Variants in VSNL1 observed in about 807,000 individuals in gnomAD.
The protein encoded by VSNL1 is visinin like 1.
Under a neutral mutation model 20.4 loss-of-function variants are expected in VSNL1, and 6 were observed. That is an observed-to-expected ratio of 0.29 (90% CI 0.16 to 0.58). The LOEUF is 0.58. Ranked by LOEUF, VSNL1 falls within the 20% of genes least tolerant of loss-of-function variation. VSNL1 has a pLI of 0.90. For missense variants in VSNL1, 100 were observed against 234.5 expected (o/e 0.43, Z 3.75); for synonymous variants, 93 against 86.4 (o/e 1.08, Z -0.42).
intron 2 of VSNL1, among the ~76,000 whole-genome samples, chr2:17,610,100 C>A (rs1427649227): frequency 6.6e-6 from 1 of 152,222 alleles, no homozygotes; most frequent in East Asian, 1.9e-4. Flanking sequence ...GGGTAAGGGA[C>A]AAACACCTAG....
At chr2:17,606,329 AAT>A (rs1664943635) in intron 2 of VSNL1, among the ~76,000 whole-genome samples, 1 of 152,192 alleles carries the variant, frequency 6.6e-6, no homozygotes, top group African/African-American at 2.4e-5. Context: ...GTCAGACAGA[AAT>A]GAGTCCAAGT....
intron 1 of VSNL1, among the ~76,000 whole-genome samples, chr2:17,583,131 G>A (rs1362439766): frequency 6.6e-6 from 1 of 152,178 alleles, no homozygotes; most frequent in African/African-American, 2.4e-5. Flanking sequence ...AGAGTCAGAA[G>A]ATGAGTGAGT....
intron 1 of VSNL1, among the ~76,000 whole-genome samples, chr2:17,591,657 G>T (rs1338655505): frequency 6.6e-6 from 1 of 152,116 alleles, no homozygotes; most frequent in East Asian, 1.9e-4. Context: ...CATTGTTCTT[G>T]TCAGTAATCC....
chr2:17,652,611 G>T (rs1378036120), intron 3 of VSNL1, among the ~76,000 whole-genome samples: 5 of 152,228 alleles, frequency 3.3e-5, no homozygotes, highest in African/African-American at 1.2e-4. Context: ...TGGACAACAG[G>T]CTTCCTGAAT....
chr2:17,598,846 T>A (rs1209042612), intron 2 of VSNL1, among the ~76,000 whole-genome samples: 1 of 152,258 alleles, frequency 6.6e-6, no homozygotes, highest in Non-Finnish European at 1.5e-5. Flanking sequence ...TAAGTTATAC[T>A]TTCAAACAAA....
chr2:17,571,630 G>C (rs1664087288), intron 1 of VSNL1, among the ~76,000 whole-genome samples: 1 of 152,176 alleles, frequency 6.6e-6, no homozygotes, highest in African/African-American at 2.4e-5. Context: ...GACAATTCTA[G>C]GTACAAAGAG....
intron 1 of VSNL1, among the ~76,000 whole-genome samples, chr2:17,580,071 T>G (rs535859089): frequency 1.2e-4 from 19 of 152,314 alleles, no homozygotes; most frequent in Admixed American, 8.5e-4. Context: ...GTAAGATTGA[T>G]GCTAACAATG....
chr2:17,603,990 G>A (rs993532569), intron 2 of VSNL1, among the ~76,000 whole-genome samples: 1 of 152,124 alleles, frequency 6.6e-6, no homozygotes, highest in African/African-American at 2.4e-5. Flanking sequence ...ACACCAGGGG[G>A]GTCAGCAGGT....
rs539317826 is a variant in VSNL1, at chr2:17,616,268, A to G, written c.162+24032A>G. On this transcript the variant is annotated intron_variant, in intron 2 of 3. Coordinates refer to ENST00000295156, the MANE Select transcript of VSNL1 (RefSeq NM_003385.5). Reference sequence around the variant, plus strand: ...GGTGACAGGAACAAGGCACTCACATACTGTGAACATCATCACAAGAGTGAA... The same window carrying G: ...GGTGACAGGAACAAGGCACTCACATGCTGTGAACATCATCACAAGAGTGAA... Among the ~76,000 whole-genome samples the G allele has an allele frequency of 6.0e-4, 91 of 152,306 alleles. 2 individuals are homozygous for G. In the South Asian group the frequency reaches 0.018, roughly 30 times the overall value.
Position 17,541,003 on chromosome 2 carries a change from A to T in VSNL1, c.-6+85A>T, listed in dbSNP as rs1353159666. ...AGAAATGCTTTGGCTATTGTCACAT[A>T]CTTTGCTTTGCATAGATGCGTCTAA... On this transcript the variant is annotated intron_variant, in intron 1 of 3. Coordinates refer to ENST00000295156, the MANE Select transcript of VSNL1 (RefSeq NM_003385.5). 2.0e-5 allele frequency: 3 copies of T among 150,682 alleles called. No homozygotes were observed. The East Asian group carries it at 5.9e-4, about 30-fold the overall frequency. The allele number at this position is 150,682 out of a possible 1,614,324, so 9.3% of individuals were successfully genotyped here.
At chr2:17,543,078 T>C (rs1203262592) in intron 1 of VSNL1, among the ~76,000 whole-genome samples, 1 of 152,232 alleles carries the variant, frequency 6.6e-6, no homozygotes, top group Non-Finnish European at 1.5e-5. Context: ...CTTTTGAAAT[T>C]GTCTCTAGGG....
chr2:17,551,676 A>G (rs1011661176), intron 1 of VSNL1, among the ~76,000 whole-genome samples: 7 of 152,160 alleles, frequency 4.6e-5, no homozygotes, highest in Admixed American at 3.3e-4. Flanking sequence ...CCAAGTCACC[A>G]ATGGCATAGG....
Position 17,649,598 on chromosome 2 carries a change from C to G in VSNL1, c.351C>G (p.Thr117=). Residue 117 remains threonine (T), a synonymous_variant, in exon 3 of 4, where the codon ACC becomes ACG. Transcript: ENST00000295156. This position sits in a 1 kb window ranked among gnomAD's most constrained non-coding sequence, Gnocchi z 6.4. The part of the protein sequence containing the change: ...MYDLDGDGKI[T]RVEMLEIIEA... ...ACCTGGATGGTGATGGCAAGATCAC[C>G]CGAGTGGAGATGCTGGAGATCATCG... is the stretch of plus-strand genomic sequence containing the variant. 6.2e-7 allele frequency: 1 copy of G among 1,614,110 alleles called. No individual in the cohort carries two copies. Among genetic ancestry groups the G allele is most frequent in the Non-Finnish European group, 8.5e-7 (1 of 1,180,032 alleles).
At chr2:17,608,084 G>T (rs1664989296) in intron 2 of VSNL1, among the ~76,000 whole-genome samples, 1 of 152,142 alleles carries the variant, frequency 6.6e-6, no homozygotes, top group Non-Finnish European at 1.5e-5. Context: ...AACTTGACAT[G>T]CCCAGTATGA....
intron 2 of VSNL1, among the ~76,000 whole-genome samples, chr2:17,608,036 C>T (rs984611481): frequency 2.6e-5 from 4 of 152,180 alleles, no homozygotes; most frequent in Non-Finnish European, 4.4e-5. Flanking sequence ...TCCTTAAATA[C>T]TATTTTCCCA....
At position 17,645,111 on chromosome 2, in the gene VSNL1, T is replaced by A. The variant is rs931032443; in HGVS notation, c.163-4299T>A. Among the ~76,000 whole-genome samples the A allele has an allele frequency of 3.6e-4, 55 of 152,378 alleles. 1 individual carries two copies. The East Asian group carries it at 9.3e-3, about 26-fold the overall frequency. On this transcript the variant is annotated intron_variant, in intron 2 of 3. Transcript: ENST00000295156. ...CCCTATTTCCTATCAAGAGCTCTATTTCCAGCAGACTAATGGGCAGAAATC... is the reference window on the plus strand; with the variant it reads ...CCCTATTTCCTATCAAGAGCTCTATATCCAGCAGACTAATGGGCAGAAATC...
chr2:17,592,745 G>T (rs1664624741), intron 2 of VSNL1, among the ~76,000 whole-genome samples: 1 of 148,182 alleles, frequency 6.7e-6, no homozygotes, highest in Admixed American at 6.8e-5. Flanking sequence ...TTTAGAAAAG[G>T]GGTGGGGGAG....
chr2:17,592,949 C>T (rs903681486), intron 2 of VSNL1, among the ~76,000 whole-genome samples: 1 of 152,058 alleles, frequency 6.6e-6, no homozygotes, highest in Non-Finnish European at 1.5e-5. Context: ...TGATCTAAGA[C>T]ATTCCACTTC....
At chr2:17,576,141 A>G (rs1247403906) in intron 1 of VSNL1, among the ~76,000 whole-genome samples, 1 of 152,214 alleles carries the variant, frequency 6.6e-6, no homozygotes, top group Admixed American at 6.5e-5. Flanking sequence ...AGAGAGGAAA[A>G]CAATTGTCTT....
Sources: gnomAD v4.1 joint callset for allele counts (sites outside exome capture counted in the v4.1 genomes callset) on GRCh38, gnomAD v4.1.1 for gene constraint, Gnocchi (gnomAD v3.1) non-coding constraint, MANE v1.5 for transcripts, NCBI Gene and HGNC (gene_info 2026-07-23, HGNC 2026-07-21) for gene names.